BNC2: variants seen among roughly 807,000 people sequenced by gnomAD.
The protein encoded by BNC2 is zinc finger protein basonuclin-2.
Under a neutral mutation model 76.3 loss-of-function variants are expected in BNC2, and 20 were observed. That is an observed-to-expected ratio of 0.26 (90% confidence interval 0.18 to 0.38). The LOEUF (loss-of-function observed/expected upper bound fraction) is 0.38. Ranked by LOEUF, BNC2 falls within the 10% of genes least tolerant of loss-of-function variation. BNC2 has a pLI of 1.00. For synonymous variants in BNC2, 582 were observed against 514.8 expected, an observed-to-expected ratio of 1.13 and a Z score of -1.77; for missense variants, 1,382 against 1,399.8, an observed-to-expected ratio of 0.99 and a Z score of 0.20.
chr9:16,694,549 G>A (rs1238209838), intron 3 of BNC2, among the ~76,000 whole-genome samples: 1 of 152,178 alleles, frequency 6.6e-6, no homozygotes, highest in African/African-American at 2.4e-5. Context: ...GGTACCAACA[G>A]ACCAGAGGAA....
chr9:16,469,652 G>T (rs1016461605), intron 5 of BNC2, among the ~76,000 whole-genome samples: 2 of 152,216 alleles, frequency 1.3e-5, no homozygotes, highest in East Asian at 3.8e-4. Context: ...TAGGAACTGG[G>T]TAACAGGCAG....
At chr9:16,587,281 A>G (rs770158931) in intron 3 of BNC2, among the ~76,000 whole-genome samples, 2 of 149,756 alleles carry the variant, frequency 1.3e-5, no homozygotes, top group Non-Finnish European at 3.0e-5. Context: ...TGGTGAGATC[A>G]TGGCTCACTG....
intron 5 of BNC2, among the ~76,000 whole-genome samples, chr9:16,479,281 A>AAAAAG (rs138150754): frequency 1.3e-5 from 2 of 151,758 alleles, no homozygotes; most frequent in East Asian, 3.9e-4. Flanking sequence ...AAAGAAAAAG[A>AAAAAG]AAAAGAAAAG....
Position 16,750,890 on chromosome 9 carries a change from C to A in BNC2, c.4-12405G>T, listed in dbSNP as rs1825171855. On this transcript the variant is annotated intron_variant, in intron 1 of 6. Transcript: ENST00000380672. The stretch of plus-strand genomic sequence containing the variant: ...GAATAAATGAATGATTACAGTAACA[C>A]AGAAGTTTCTGGGCTAGGGAGATGA... Among the ~76,000 whole-genome samples, 4 of 152,316 alleles carry A rather than the reference C, an allele frequency of 2.6e-5. No individual in the cohort carries two copies. The South Asian group carries it at 8.3e-4, about 32-fold the overall frequency.
At position 16,436,498 on chromosome 9, in the gene BNC2, C is replaced by T. The variant is rs771448431; in HGVS notation, c.1696G>A (p.Val566Ile). The T allele has an allele frequency of 8.1e-6, 13 of 1,613,996 alleles. No individual in the cohort carries two copies. Among genetic ancestry groups the T allele is most frequent in the Non-Finnish European group, 1.1e-5 (13 of 1,180,044 alleles). ...SQLVFSGLKT[V>I]QPVPPFYRSL... ...CTATAAAATGGAGGAACTGGTTGTACAGTCTTTAGCCCAGAAAATACTAGC... is the reference window on the plus strand; with the variant it reads ...CTATAAAATGGAGGAACTGGTTGTATAGTCTTTAGCCCAGAAAATACTAGC... The change falls in exon 6 of 7, where the codon GTA (valine) becomes ATA (isoleucine). Residue 566 changes from valine (V) to isoleucine (I), a missense_variant. By Grantham distance (29) the Val-to-Ile change is conservative (BLOSUM62 3). Coordinates refer to ENST00000380672, the MANE Select transcript of BNC2 (RefSeq NM_017637.6).
chr9:16,534,748 C>T (rs1166439918), intron 5 of BNC2, among the ~76,000 whole-genome samples: 2 of 152,088 alleles, frequency 1.3e-5, no homozygotes, highest in Non-Finnish European at 2.9e-5. Context: ...TCATAAATAA[C>T]CTAGATATGA....
At chr9:16,498,721 T>C (rs1194258195) in intron 5 of BNC2, among the ~76,000 whole-genome samples, 2 of 151,672 alleles carry the variant, frequency 1.3e-5, no homozygotes, top group African/African-American at 2.4e-5. Flanking sequence ...AAAAATTATA[T>C]GTTTTCTTCT....
chr9:16,586,473 C>A (rs1465318880), intron 3 of BNC2, among the ~76,000 whole-genome samples: 11 of 152,164 alleles, frequency 7.2e-5, no homozygotes, highest in African/African-American at 2.7e-4. Context: ...ATGTTCTCAT[C>A]CCATCTGGTC....
chr9:16,719,158 T>A (rs944951376), intron 3 of BNC2, among the ~76,000 whole-genome samples: 2 of 152,190 alleles, frequency 1.3e-5, no homozygotes, highest in Non-Finnish European at 2.9e-5. Context: ...CTCATGAATA[T>A]GCTCAGTGTA....
intron 5 of BNC2, among the ~76,000 whole-genome samples, chr9:16,457,824 G>A (rs150959293): frequency 2.6e-4 from 39 of 152,284 alleles, no homozygotes; most frequent in African/African-American, 8.7e-4. Context: ...TGGCAAGCAG[G>A]CCTCCCTAAA....
chr9:16,827,836 T>A (rs1204391747), intron 1 of BNC2, among the ~76,000 whole-genome samples: 1 of 152,232 alleles, frequency 6.6e-6, no homozygotes, highest in Non-Finnish European at 1.5e-5. Flanking sequence ...CTATAATTTA[T>A]AAATCTCAGA....
intron 3 of BNC2, among the ~76,000 whole-genome samples, chr9:16,701,117 C>T (rs1212373881): frequency 6.6e-6 from 1 of 152,132 alleles, no homozygotes; most frequent in East Asian, 1.9e-4. Flanking sequence ...ATCAAGTATT[C>T]CAGGGATCCC....
chr9:16,557,546 G>A (rs978168117), intron 4 of BNC2, among the ~76,000 whole-genome samples: 1 of 151,910 alleles, frequency 6.6e-6, no homozygotes, highest in South Asian at 2.1e-4. Context: ...AATCTAACCA[G>A]AAGTTGCATA....
chr9:16,776,905 C>G (rs1825983198), intron 1 of BNC2, among the ~76,000 whole-genome samples: 2 of 152,082 alleles, frequency 1.3e-5, no homozygotes. Flanking sequence ...GTGGGCGGAT[C>G]ACCTGAGGTC....
chr9:16,704,135 C>T (rs747397958), intron 3 of BNC2, among the ~76,000 whole-genome samples: 12 of 152,148 alleles, frequency 7.9e-5, no homozygotes, highest in Non-Finnish European at 1.6e-4. Context: ...TAAAGGCACA[C>T]TGCATTATCA....
chr9:16,568,416 G>A (rs1214451640), intron 4 of BNC2, among the ~76,000 whole-genome samples: 1 of 151,996 alleles, frequency 6.6e-6, no homozygotes, highest in African/African-American at 2.4e-5. Context: ...TGAGGGTGGT[G>A]GCTCTTCATT....
chr9:16,821,842 C>T (rs10120880), intron 1 of BNC2, among the ~76,000 whole-genome samples: 15,580 of 151,960 alleles, frequency 0.1, 1,164 homozygotes, highest in Non-Finnish European at 0.16. Flanking sequence ...GCCTGTAATC[C>T]CAGCATTCTG....
chr9:16,768,892 A>G (rs1825762252), intron 1 of BNC2, among the ~76,000 whole-genome samples: 1 of 152,208 alleles, frequency 6.6e-6, no homozygotes, highest in Non-Finnish European at 1.5e-5. Context: ...AGAGAAAGAC[A>G]GAAAGCAGAG....
chr9:16,431,355 A>C (rs1275738880), intron 6 of BNC2: 2 of 388,290 alleles, frequency 5.2e-6, no homozygotes, highest in Non-Finnish European at 1.1e-5. Context: ...CTGGGGATCA[A>C]AAATCAAGTC....
Sources: gnomAD v4.1 joint callset for allele counts (sites outside exome capture counted in the v4.1 genomes callset) on GRCh38, gnomAD v4.1.1 for gene constraint, MANE v1.5 for transcripts, NCBI Gene and HGNC (gene_info 2026-07-23, HGNC 2026-07-21) for gene names.